Variants in PID1 observed in about 807,000 individuals in gnomAD.
PID1 encodes the protein PTB-containing, cubilin and LRP1-interacting protein.
A neutral mutation model predicts 19.1 loss-of-function variants in PID1; 10 were observed. That is an observed-to-expected ratio of 0.52 (90% CI 0.32 to 0.89). The LOEUF (loss-of-function observed/expected upper bound fraction) is 0.89, where lower values mean the gene tolerates loss of function less well. PID1 is among the 40% of genes least tolerant of loss of function. PID1 has a pLI of 0.03. For missense variants in PID1, 248 were observed against 285.3 expected (o/e 0.87, Z 0.94); for synonymous variants, 130 against 116.0 (o/e 1.12, Z -0.78).
intron 2 of PID1, among the ~76,000 whole-genome samples, chr2:229,112,561 C>T (rs1047388082): frequency 6.6e-6 from 1 of 152,170 alleles, no homozygotes; most frequent in Non-Finnish European, 1.5e-5. Context: ...TCTCAGCTCA[C>T]TGCAAGTTCT....
At chr2:229,212,164 G>A (rs6705689) in intron 1 of PID1, among the ~76,000 whole-genome samples, 152,308 of 152,310 alleles carry the variant, frequency 1, 76,153 homozygotes, top group Non-Finnish European at 1. Context: ...AGGACAAAGA[G>A]AAAACACCTG....
intron 2 of PID1, among the ~76,000 whole-genome samples, chr2:229,102,330 A>T (rs79894099): frequency 0.015 from 2,302 of 152,326 alleles, 27 homozygotes; most frequent in South Asian, 0.036. Flanking sequence ...AAAAAAAAGT[A>T]AACAAATTTG....
intron 2 of PID1, among the ~76,000 whole-genome samples, chr2:229,029,559 G>A (rs919264563): frequency 6.6e-6 from 1 of 152,032 alleles, no homozygotes; most frequent in Non-Finnish European, 1.5e-5. Flanking sequence ...ATTCAAAGTA[G>A]AGGCCGGGCG....
chr2:229,128,521 A>AT (rs1689635639), intron 2 of PID1, among the ~76,000 whole-genome samples: 1 of 152,196 alleles, frequency 6.6e-6, no homozygotes, highest in Non-Finnish European at 1.5e-5. Flanking sequence ...AGGTTTTTTT[A>AT]ATTTGAATAT....
intron 1 of PID1, among the ~76,000 whole-genome samples, chr2:229,187,952 G>A (rs1190165865): frequency 6.6e-6 from 1 of 152,104 alleles, no homozygotes; most frequent in African/African-American, 2.4e-5. Context: ...AATATTTGCT[G>A]AATTACATAC....
At chr2:229,026,368 C>T (rs901294894) in intron 2 of PID1, among the ~76,000 whole-genome samples, 4 of 152,226 alleles carry the variant, frequency 2.6e-5, no homozygotes, top group Admixed American at 2.6e-4. Context: ...CTCTCCCTCT[C>T]CTTACTCCTT....
At chr2:229,098,305 C>T (rs11680398) in intron 2 of PID1, among the ~76,000 whole-genome samples, 9,718 of 152,194 alleles carry the variant, frequency 0.064, 431 homozygotes, top group African/African-American at 0.11. Context: ...TTTCACCCAT[C>T]AGCACGATGT....
intron 2 of PID1, among the ~76,000 whole-genome samples, chr2:229,028,951 C>G (rs1307854097): frequency 1.3e-5 from 2 of 152,122 alleles, no homozygotes; most frequent in Non-Finnish European, 2.9e-5. Context: ...TTTATATACA[C>G]TTATCACAAC....
chr2:229,210,271 G>T (rs2106248536), intron 1 of PID1, among the ~76,000 whole-genome samples: 1 of 152,090 alleles, frequency 6.6e-6, no homozygotes, highest in South Asian at 2.1e-4. Flanking sequence ...CCAGCACTTT[G>T]GGAGGCCGAG....
intron 1 of PID1, among the ~76,000 whole-genome samples, chr2:229,195,719 C>T (rs527929304): frequency 0.013 from 1,951 of 152,028 alleles, 46 homozygotes; most frequent in African/African-American, 0.045. Flanking sequence ...AAAAGTGTTT[C>T]ATGGTTTACT....
At chr2:229,158,406 G>A (rs546412113) in intron 1 of PID1, among the ~76,000 whole-genome samples, 16 of 151,828 alleles carry the variant, frequency 1.1e-4, no homozygotes, top group South Asian at 4.2e-4. Flanking sequence ...CCTACTTATC[G>A]CCACTATAAG....
At chr2:229,090,221 TA>T (rs1400591631) in intron 2 of PID1, among the ~76,000 whole-genome samples, 1 of 152,212 alleles carries the variant, frequency 6.6e-6, no homozygotes, top group African/African-American at 2.4e-5. Context: ...TCTCATCAAA[TA>T]AGCTAATCAA....
chr2:229,250,326 G>A (rs1291766529), intron 1 of PID1, among the ~76,000 whole-genome samples: 1 of 152,038 alleles, frequency 6.6e-6, no homozygotes, highest in East Asian at 1.9e-4. Context: ...AGGACTCTTG[G>A]CAGTTTTCAA....
intron 1 of PID1, among the ~76,000 whole-genome samples, chr2:229,253,287 AC>A (rs772184559): frequency 6.6e-6 from 1 of 152,196 alleles, no homozygotes; most frequent in Non-Finnish European, 1.5e-5. Context: ...CATAATGTGT[AC>A]CAAAATTACT....
chr2:229,198,121 C>A (rs1192276868), intron 1 of PID1, among the ~76,000 whole-genome samples: 1 of 151,996 alleles, frequency 6.6e-6, no homozygotes, highest in African/African-American at 2.4e-5. Flanking sequence ...CTTAGCTTTT[C>A]AAACAAATAT....
At chr2:229,048,049 C>CCT (rs1385410212) in intron 2 of PID1, among the ~76,000 whole-genome samples, 1 of 152,146 alleles carries the variant, frequency 6.6e-6, no homozygotes, top group Non-Finnish European at 1.5e-5. Context: ...TTAGGGTGAG[C>CCT]CTCAGAGTGG....
chr2:229,197,104 T>C (rs1691393418), intron 1 of PID1, among the ~76,000 whole-genome samples: 1 of 151,908 alleles, frequency 6.6e-6, no homozygotes, highest in Non-Finnish European at 1.5e-5. Context: ...ACTATCAAAA[T>C]AGTCAACAAA....
intron 2 of PID1, among the ~76,000 whole-genome samples, chr2:229,149,358 C>G (rs1681898981): frequency 6.6e-6 from 1 of 152,156 alleles, no homozygotes; most frequent in Non-Finnish European, 1.5e-5. Context: ...GTGTAGAAAT[C>G]AGATACATGT....
chr2:229,101,217 G>A (rs531844164), intron 2 of PID1, among the ~76,000 whole-genome samples: 1 of 151,968 alleles, frequency 6.6e-6, no homozygotes, highest in Non-Finnish European at 1.5e-5. Flanking sequence ...ATTTCCAAAT[G>A]GATTTTTTTT....
Sources: allele counts gnomAD v4.1 joint callset (sites outside exome capture counted in the v4.1 genomes callset), GRCh38; gene constraint gnomAD v4.1.1; transcripts MANE v1.5; gene names NCBI Gene and HGNC (gene_info 2026-07-23, HGNC 2026-07-21).